Variants in SRSF5 observed in about 807,000 individuals in gnomAD.
The protein encoded by SRSF5 is serine and arginine rich splicing factor 5, also known as serine/arginine-rich splicing factor 5.
SRSF5 carries 5 observed loss-of-function variants against 34.0 expected under a neutral mutation model. The ratio of observed to expected loss-of-function variants is 0.15; its 90% CI spans 0.08 to 0.31. The LOEUF (loss-of-function observed/expected upper bound fraction) is 0.31. Ranked by LOEUF, SRSF5 falls within the 10% of genes least tolerant of loss-of-function variation. The pLI, the probability that SRSF5 is intolerant of heterozygous loss-of-function variation, is 1.00. For synonymous variants in SRSF5, 164 were observed against 117.7 expected (o/e 1.39, Z -2.55); for missense variants, 223 against 351.4 (o/e 0.63, Z 2.92).
chr14:69,769,313 C>G, intron 5 of SRSF5, 62 bp downstream of exon 5: 6 of 1,600,388 alleles, frequency 3.7e-6, no homozygotes, highest in Non-Finnish European at 5.1e-6. Flanking sequence ...TAATGGGTAG[C>G]TAATGTTGTA....
chr14:69,771,431 A>T lies in SRSF5; in HGVS notation c.789A>T (p.Ser263=). ...ATCGCCAGAGGTCCCGGTCCCGATCAAGGTCCAGATCAGTTGACAGTGGCA... is the reference window on the plus strand; with the variant it reads ...ATCGCCAGAGGTCCCGGTCCCGATCTAGGTCCAGATCAGTTGACAGTGGCA... ...SVDRQRSRSR[S]RSRSVDSGN Residue 263 remains serine (S), a synonymous_variant, in exon 8 of 8, where the codon TCA becomes TCT. Coordinates refer to ENST00000557154, the MANE Select transcript of SRSF5 (RefSeq NM_001320214.2). 1 of 1,614,170 alleles carries T rather than the reference A, an allele frequency of 6.2e-7. No individual in the cohort carries two copies. The highest frequency in any genetic ancestry group is 8.5e-7 in the Non-Finnish European group (1 of 1,179,972).
At position 69,771,658 on chromosome 14, in the gene SRSF5, T is replaced by A; in HGVS notation, c.*197T>A. On this transcript the variant is annotated 3_prime_UTR_variant, in exon 8 of 8. Transcript: ENST00000557154. ...TGTTGAAAACTAATTGTATTAAATG[T>A]CTTTTGATAAGCCTTCTGCTCACAT... 1.6e-6 allele frequency: 1 copy of A among 622,512 alleles called. No individual in the cohort carries two copies. Among genetic ancestry groups the A allele is most frequent in the Non-Finnish European group, 2.7e-6 (1 of 369,584 alleles). 38.6% of individuals were successfully genotyped at this position (622,512 alleles called of 1,614,324 possible). A position where few individuals can be genotyped will look rare whatever the true frequency, so the allele number is the denominator to read the frequency against.
intron 5 of SRSF5, 98 bp from the exon 6 acceptor site, chr14:69,770,354 TTTGTACTTTATCTAA>T: frequency 6.7e-7 from 1 of 1,483,976 alleles, no homozygotes; most frequent in Non-Finnish European, 8.9e-7. Flanking sequence ...AAATGCCATG[TTTGTACTTTATCTAA>T]CATCTTCTCT....
Position 69,771,533 on chromosome 14 carries a change from C to G in SRSF5, c.*72C>G, listed in dbSNP as rs1314961987. The G allele has an allele frequency of 2.1e-6, 3 of 1,420,330 alleles. No homozygotes were observed. The highest frequency in any genetic ancestry group is 2.1e-5 in the Admixed American group (1 of 47,356). 88.0% of individuals were successfully genotyped at this position (1,420,330 alleles called of 1,614,324 possible). A position where few individuals can be genotyped will look rare whatever the true frequency, so the allele number is the denominator to read the frequency against. ...CACAAAAATTCCCAAACCATACTTG[C>G]TAAAAATTCTGGTAAGTATGTGCTT... is the stretch of plus-strand genomic sequence containing the variant. On this transcript the variant is annotated 3_prime_UTR_variant, in exon 8 of 8. Transcript: ENST00000557154.
rs747616404 is a variant in SRSF5, at chr14:69,771,214, G to T, written c.572G>T (p.Arg191Leu). 2.5e-6 allele frequency: 4 copies of T among 1,613,986 alleles called. No homozygotes were observed. The highest frequency in any genetic ancestry group is 1.3e-5 in the African/African-American group (1 of 74,878). Residue 191 changes from arginine to leucine, a missense_variant, in exon 8 of 8, where the codon CGA (arginine) becomes CTA (leucine). Coordinates refer to ENST00000557154, the MANE Select transcript of SRSF5 (RefSeq NM_001320214.2). ...KRHSRSRSRS[R>L]SRTRSSSRSR... ...CATAGTAGGTCAAGAAGCAGGTCTC[G>T]ATCCCGGACCAGAAGTTCCTCTAGG...
chr14:69,770,163 CTTTTTTGTTGT>C, intron 5 of SRSF5: 1 of 1,084,328 alleles, frequency 9.2e-7, no homozygotes, highest in Non-Finnish European at 1.1e-6. Flanking sequence ...GTACTGTTTC[CTTTTTTGTTGT>C]TTTTTTGTTT....
At chr14:69,768,726 T>C (rs1227542967) in intron 3 of SRSF5, 52 bp downstream of exon 3, 1 of 1,610,188 alleles carries the variant, frequency 6.2e-7, no homozygotes, top group Non-Finnish European at 8.5e-7. Context: ...AGACTGGGTC[T>C]GCTGGCATAT....
chr14:69,770,340 T>G (rs1390825879), intron 5 of SRSF5, 127 bp from the exon 6 acceptor site: 1 of 1,456,644 alleles, frequency 6.9e-7, no homozygotes, highest in Non-Finnish European at 9.0e-7. Flanking sequence ...AATACAAGTG[T>G]GGTAAATGCC....
intron 3 of SRSF5, 26 bp downstream of exon 3, chr14:69,768,700 C>A (rs910120010): frequency 8.7e-6 from 14 of 1,612,900 alleles, no homozygotes; most frequent in Non-Finnish European, 1.1e-5. Flanking sequence ...AACTAGATAA[C>A]CCTGGGACAT....
chr14:69,771,383 A>G lies in SRSF5; in HGVS notation c.741A>G (p.Arg247=), dbSNP rs773380718. ...GCCAGAAACGTGGTTCTTCAAGTAGATCTAAGTCTCCAGCATCTGTGGATC... is the reference window on the plus strand; with the variant it reads ...GCCAGAAACGTGGTTCTTCAAGTAGGTCTAAGTCTCCAGCATCTGTGGATC... ...EKSQKRGSSS[R]SKSPASVDRQ... Residue 247 remains arginine (R), a synonymous_variant, in exon 8 of 8, where the codon AGA becomes AGG. Transcript: ENST00000557154. 2.5e-6 allele frequency: 4 copies of G among 1,614,096 alleles called. No homozygotes were observed. The highest frequency in any genetic ancestry group is 1.6e-4 in the Middle Eastern group (1 of 6,082).
chr14:69,767,748 G>A lies in SRSF5; in HGVS notation c.-19-390G>A, dbSNP rs1273270713. On this transcript the variant is annotated intron_variant, in intron 1 of 7. Transcript: ENST00000557154. ...GCGGTCGAGGCGTCGCGAGATTCTGGCTTCCACCCGCTGTGACGCGCCCGC... is the reference window on the plus strand; with the variant it reads ...GCGGTCGAGGCGTCGCGAGATTCTGACTTCCACCCGCTGTGACGCGCCCGC... 9 of 355,616 alleles carry A rather than the reference G, an allele frequency of 2.5e-5. No homozygotes were observed. The Admixed American group carries it at 3.4e-4, about 14-fold the overall frequency. The allele number at this position is 355,616 out of a possible 1,614,324, so 22.0% of individuals were successfully genotyped here. A position where few individuals can be genotyped will look rare whatever the true frequency, so the allele number is the denominator to read the frequency against.
At chr14:69,771,152 TGTA>T (rs1196246849) in intron 7 of SRSF5, 39 bp from the exon 8 acceptor site, 1 of 1,613,624 alleles carries the variant, frequency 6.2e-7, no homozygotes, top group African/African-American at 1.3e-5. Flanking sequence ...ATGGGTTTGT[TGTA>T]GAGTCTTATC....
At chr14:69,770,637 A>G (rs1883085604) in intron 6 of SRSF5, 97 bp downstream of exon 6, 3 of 1,139,238 alleles carry the variant, frequency 2.6e-6, no homozygotes, top group African/African-American at 1.6e-5. Flanking sequence ...GTTAGAATGC[A>G]GAGATTCTCC....
intron 1 of SRSF5, 158 bp downstream of exon 1, chr14:69,767,413 ACT>A: frequency 2.2e-6 from 1 of 455,334 alleles, no homozygotes. Flanking sequence ...CTTTTGGCAT[ACT>A]GTTTGAGGGG....
Position 69,768,421 on chromosome 14 carries a change from G to C in SRSF5, c.126+139G>C, listed in dbSNP as rs907843673. 4.4e-6 allele frequency: 6 copies of C among 1,375,158 alleles called. No individual in the cohort carries two copies. In the African/African-American group the frequency reaches 7.2e-5, roughly 17 times the overall value. 85.2% of individuals were successfully genotyped at this position (1,375,158 alleles called of 1,614,324 possible). On this transcript the variant is annotated intron_variant, in intron 2 of 7. Coordinates refer to ENST00000557154, the MANE Select transcript of SRSF5 (RefSeq NM_001320214.2). ...CTTATGTCTGAATTTTATTGAGGCT[G>C]AAAACAACTTTAACTTGCCGGCTCA...
chr14:69,768,995 A>G (rs984278248), intron 4 of SRSF5, 99 bp downstream of exon 4: 2 of 1,363,204 alleles, frequency 1.5e-6, no homozygotes, highest in Non-Finnish European at 2.1e-6. Flanking sequence ...CCTGCCGTAT[A>G]ATCTGTTCTT....
rs569344730 is a variant in SRSF5 at position 69,767,501 on chromosome 14, T to C, written c.-20+246T>C. Reference sequence around the variant, plus strand: ...GTGCGCCCGTCCCTGCCAGTCTTAATGTCTTCATCTCCTGGACACGTAGAA... The same window carrying C: ...GTGCGCCCGTCCCTGCCAGTCTTAACGTCTTCATCTCCTGGACACGTAGAA... On this transcript the variant is annotated intron_variant, in intron 1 of 7. Coordinates refer to ENST00000557154, the MANE Select transcript of SRSF5 (RefSeq NM_001320214.2). 2.6e-4 allele frequency: 118 copies of C among 456,022 alleles called. No individual in the cohort carries two copies. The Admixed American group carries it at 2.7e-3, about 10-fold the overall frequency. 28.2% of individuals were successfully genotyped at this position (456,022 alleles called of 1,614,324 possible). A position where few individuals can be genotyped will look rare whatever the true frequency, so the allele number is the denominator to read the frequency against.
rs973864631 is a variant in SRSF5 at position 69,767,198 on chromosome 14, C to A, written c.-77C>A. The A allele has an allele frequency of 8.4e-6, 3 of 357,026 alleles. No individual in the cohort carries two copies. The highest frequency in any genetic ancestry group is 6.4e-5 in the African/African-American group (3 of 46,662). The allele number at this position is 357,026 out of a possible 1,614,324, so 22.1% of individuals were successfully genotyped here. On this transcript the variant is annotated 5_prime_UTR_variant, in exon 1 of 8. Coordinates refer to ENST00000557154, the MANE Select transcript of SRSF5 (RefSeq NM_001320214.2). ...TCCTGGTCTGCGTGGAGGTCGACGACTCCGTCGCAGACTACGGACCTGTCT... is the reference window on the plus strand; with the variant it reads ...TCCTGGTCTGCGTGGAGGTCGACGAATCCGTCGCAGACTACGGACCTGTCT...
At chr14:69,767,502 GTCT>G (rs1414595339) in intron 1 of SRSF5, 1 of 455,892 alleles carries the variant, frequency 2.2e-6, no homozygotes, top group Non-Finnish European at 4.4e-6. Flanking sequence ...CAGTCTTAAT[GTCT>G]TCATCTCCTG....
Sources: gnomAD v4.1 joint callset for allele counts on GRCh38, gnomAD v4.1.1 for gene constraint, MANE v1.5 for transcripts, NCBI Gene and HGNC (gene_info 2026-07-23, HGNC 2026-07-21) for gene names.